The following CROCC variants were observed in gnomAD, a reference collection of about 807,000 sequenced individuals.
CROCC encodes rootletin.
CROCC carries 180 observed loss-of-function variants against 245.2 expected under a neutral mutation model. The observed-to-expected ratio is 0.73, with a 90% CI of 0.65 to 0.83. The LOEUF is 0.83. CROCC is among the 40% of genes least tolerant of loss of function. The probability of loss-of-function intolerance (pLI) is 0.00; values close to 1 mark genes in which losing one functional copy is unlikely to be tolerated. For synonymous variants in CROCC, 1,205 were observed against 1,241.6 expected (o/e 0.97, Z 0.62); for missense variants, 2,688 against 2,779.4 (o/e 0.97, Z 0.74).
At chr1:16,967,799 GT>G (rs1236497092) in intron 30 of CROCC, among the ~76,000 whole-genome samples, 1 of 152,180 alleles carries the variant, frequency 6.6e-6, no homozygotes, top group African/African-American at 2.4e-5. Flanking sequence ...GCTCAGCTCA[GT>G]TTGCACGAGT....
In CROCC at chr1:16,938,937, T is replaced by G; in HGVS notation, c.1403T>G (p.Val468Gly). The change falls in exon 12 of 37, where the codon GTC becomes GGC. Residue 468 changes from valine to glycine, a missense_variant. Val to Gly is a moderately radical substitution (Grantham distance 109). This residue lies in a region of CROCC where 972 missense variants were observed against 895.3 expected (regional missense o/e 1.09). Transcript: ENST00000375541. The part of the protein sequence containing the change: ...QAVLSDSESG[V>G]QLSGSERTAD... ...GTCTTGTCAGACTCTGAGAGCGGCGTCCAGCTGAGCGGCTCTGAGCGCACC... is the reference window on the plus strand; with the variant it reads ...GTCTTGTCAGACTCTGAGAGCGGCGGCCAGCTGAGCGGCTCTGAGCGCACC... 6.2e-7 allele frequency: 1 copy of G among 1,602,850 alleles called. No individual in the cohort carries two copies.
Position 16,964,025 on chromosome 1 carries a change from T to C in CROCC, c.4406-1698T>C, listed in dbSNP as rs560683731. Reference sequence around the variant, plus strand: ...GTTGGCCAGGCTGGTCTTGAACTCCTGACCTCAGGTGATCTGCCCGCCTCG... The same window carrying C: ...GTTGGCCAGGCTGGTCTTGAACTCCCGACCTCAGGTGATCTGCCCGCCTCG... On this transcript the variant is annotated intron_variant, in intron 27 of 36. Transcript: ENST00000375541. Among the ~76,000 whole-genome samples the C allele has an allele frequency of 6.4e-4, 97 of 152,238 alleles. 1 individual carries two copies. Among genetic ancestry groups the C allele is most frequent in the South Asian group, 1.5e-3 (7 of 4,818 alleles).
chr1:16,934,842 CTT>C (rs1217093510), intron 8 of CROCC, among the ~76,000 whole-genome samples: 18 of 42,828 alleles, frequency 4.2e-4, no homozygotes, highest in African/African-American at 1.7e-3. Flanking sequence ...TCTTCTTCTT[CTT>C]TTTTTTTTTG....
chr1:16,926,186 AC>A (rs1331167831), intron 3 of CROCC, among the ~76,000 whole-genome samples: 29 of 152,346 alleles, frequency 1.9e-4, no homozygotes, highest in Non-Finnish European at 3.2e-4. Flanking sequence ...TCCTCTATCC[AC>A]CATGGTTTGA....
chr1:16,923,488 C>G (rs2075455657), intron 2 of CROCC, among the ~76,000 whole-genome samples: 1 of 152,238 alleles, frequency 6.6e-6, no homozygotes, highest in African/African-American at 2.4e-5. Context: ...GAAGGGGAAC[C>G]CACAGGAGGT....
intron 25 of CROCC, among the ~76,000 whole-genome samples, chr1:16,956,838 C>T (rs545118004): frequency 2.0e-5 from 3 of 152,242 alleles, no homozygotes; most frequent in African/African-American, 4.8e-5. Flanking sequence ...TCTGCAAACT[C>T]AACAGCAGCA....
chr1:16,951,125 T>TACAGCGACTCCC lies in CROCC; in HGVS notation c.3006+3_3006+4insACAGCGACTCCC. ...TACAGCGACTCCAGCGTGAAAAGGT[T>TACAGCGACTCCC]CAGGCAGCTGGGGAGGGGTGGGCAG... On this transcript the variant is annotated splice_donor_region_variant and intron_variant, in intron 20 of 36. Transcript: ENST00000375541. The TACAGCGACTCCC allele has an allele frequency of 6.6e-7, 1 of 1,519,096 alleles. No individual in the cohort carries two copies. Among genetic ancestry groups the TACAGCGACTCCC allele is most frequent in the South Asian group, 1.3e-5 (1 of 78,644 alleles). 94.1% of individuals were successfully genotyped at this position (1,519,096 alleles called of 1,614,324 possible). A position where few individuals can be genotyped will look rare whatever the true frequency, so the allele number is the denominator to read the frequency against.
chr1:16,965,731 G>A lies in CROCC; in HGVS notation c.4414G>A (p.Glu1472Lys), dbSNP rs537287030. Residue 1472 changes from glutamate (E) to lysine (K), a missense_variant, in exon 28 of 37, where the codon GAA (glutamate) becomes AAA (lysine). Physicochemically the swap from Glu to Lys is moderately conservative, Grantham distance 56 (BLOSUM62 1). Around this residue, in one of 9 missense-constraint regions of CROCC, gnomAD observed 1,218 missense variants for 1,286.3 expected, o/e 0.95. Coordinates refer to ENST00000375541, the MANE Select transcript of CROCC (RefSeq NM_014675.5). Reference protein sequence around the residue: ...ARDAPAEGSGEGLNSPSTLEC... With the variant: ...ARDAPAEGSGKGLNSPSTLEC... ...TCTTCTTTCTCTTCTAGGAAGCGGG[G>A]AAGGGCTCAACAGCCCCAGCACCTT... is the stretch of plus-strand genomic sequence containing the variant. 1.9e-6 allele frequency: 3 copies of A among 1,607,508 alleles called. No individual in the cohort carries two copies. The highest frequency in any genetic ancestry group is 2.2e-5 in the East Asian group (1 of 44,842).
At position 16,916,328 on chromosome 1, in the gene CROCC, G is replaced by A. The variant is rs2075303755; in HGVS notation, n.126-13958G>A. 2.6e-5 allele frequency among the ~76,000 whole-genome samples: 4 copies of A among 152,262 alleles called. No individual in the cohort carries two copies. The South Asian group carries it at 8.3e-4, about 32-fold the overall frequency. On this transcript the variant is annotated intron_variant and non_coding_transcript_variant, in intron 1 of 8. Coordinates refer to the CROCC transcript ENST00000466256. ...AAGGGCTAGTAGAGGGCCTTGGGTA[G>A]GGGAGGGGTATGACCTTTACTGTGT...
rs781364301 is a variant in CROCC, at chr1:16,946,878, C to A, written c.2401C>A (p.Arg801=). Residue 801 remains arginine (R), a synonymous_variant, in exon 17 of 37, where the codon CGG becomes AGG. Transcript: ENST00000375541. ...GCTGCGGTTGGAGCAGGAGGTGGCGCGGCAGGGCCTGGAGGGCTCCCTACG... is the reference window on the plus strand; with the variant it reads ...GCTGCGGTTGGAGCAGGAGGTGGCGAGGCAGGGCCTGGAGGGCTCCCTACG... ...EELRLEQEVA[R]QGLEGSLRVA... 3 of 1,561,150 alleles carry A rather than the reference C, an allele frequency of 1.9e-6. No individual in the cohort carries two copies. The highest frequency in any genetic ancestry group is 2.7e-5 in the African/African-American group (2 of 73,738).
chr1:16,957,887 G>C (rs1462868702), intron 25 of CROCC, among the ~76,000 whole-genome samples: 1 of 152,206 alleles, frequency 6.6e-6, no homozygotes, highest in Non-Finnish European at 1.5e-5. Flanking sequence ...GAAACCACAA[G>C]ACTCCCGGAA....
At chr1:16,947,066 T>A (rs1222309088) in intron 17 of CROCC, 75 bp downstream of exon 17, 1 of 1,343,046 alleles carries the variant, frequency 7.4e-7, no homozygotes, top group Non-Finnish European at 1.0e-6. Flanking sequence ...CTGCATCCAG[T>A]CCTGGGTTAA....
chr1:16,953,121 T>G (rs1309538564), intron 20 of CROCC, 181 bp from the exon 21 acceptor site: 27 of 614,448 alleles, frequency 4.4e-5, no homozygotes, highest in Non-Finnish European at 6.5e-5. Flanking sequence ...CTGCTGCTCC[T>G]TGGCACTTTC....
Position 16,954,489 on chromosome 1 carries a change from T to C in CROCC, c.3321+132T>C. ...GCTGTGGGAAAGGAGGTTTAGCCCT[T>C]CTTTTGGGAGCCCCCATCTGAGGGA... On this transcript the variant is annotated intron_variant, in intron 22 of 36. Transcript: ENST00000375541. This position sits in a 1 kb window ranked among gnomAD's most constrained non-coding sequence, Gnocchi z 4.4. 1 of 1,322,286 alleles carries C rather than the reference T, an allele frequency of 7.6e-7. No homozygotes were observed. Among genetic ancestry groups the C allele is most frequent in the Non-Finnish European group, 1.0e-6 (1 of 981,506 alleles). The allele number at this position is 1,322,286 out of a possible 1,614,324, so 81.9% of individuals were successfully genotyped here.
At chr1:16,947,496 A>G (rs1157916971) in intron 17 of CROCC, among the ~76,000 whole-genome samples, 74 of 151,406 alleles carry the variant, frequency 4.9e-4, no homozygotes, top group African/African-American at 1.5e-3. Context: ...TAATAATAAT[A>G]ATAATGATAC....
upstream of CROCC, among the ~76,000 whole-genome samples, chr1:16,917,054 G>A (rs2075313475): frequency 6.6e-6 from 1 of 152,298 alleles, no homozygotes; most frequent in Non-Finnish European, 1.5e-5. Context: ...GGAGGCGGAG[G>A]TTGCAGTCAG....
chr1:16,929,093 C>T (rs1166218250), intron 3 of CROCC, among the ~76,000 whole-genome samples: 4 of 152,386 alleles, frequency 2.6e-5, no homozygotes, highest in African/African-American at 7.2e-5. Context: ...TCCAAAAGTG[C>T]TGGGATCACA....
Position 16,938,968 on chromosome 1 carries a change from T to A in CROCC, c.1434T>A (p.Asp478Glu), listed in dbSNP as rs774617896. The change falls in exon 12 of 37, where the codon GAT becomes GAA. Residue 478 changes from aspartate to glutamate, a missense_variant. Asp to Glu is a conservative substitution (Grantham distance 45, BLOSUM62 2). Transcript: ENST00000375541. ...VQLSGSERTA[D>E]ASNGSLRGLS... ...TGAGCGGCTCTGAGCGCACCGCGGATGCTTCCAACGGCAGCCTGCGGGGGC... is the reference window on the plus strand; with the variant it reads ...TGAGCGGCTCTGAGCGCACCGCGGAAGCTTCCAACGGCAGCCTGCGGGGGC... The A allele has an allele frequency of 6.2e-7, 1 of 1,605,382 alleles. No homozygotes were observed. The highest frequency in any genetic ancestry group is 8.5e-7 in the Non-Finnish European group (1 of 1,177,596).
intron 27 of CROCC, among the ~76,000 whole-genome samples, chr1:16,962,253 C>T (rs1447551166): frequency 1.3e-5 from 2 of 150,606 alleles, no homozygotes; most frequent in Non-Finnish European, 3.0e-5. Context: ...TTAGTAGAGA[C>T]GGGGTTTCAA....
Sources: gnomAD v4.1 joint callset for allele counts (sites outside exome capture counted in the v4.1 genomes callset) on GRCh38, gnomAD v4.1.1 for gene constraint, gnomAD v4.1.1 regional missense constraint, Gnocchi (gnomAD v3.1) non-coding constraint, MANE v1.5 for transcripts, NCBI Gene and HGNC (gene_info 2026-07-23, HGNC 2026-07-21) for gene names.